COL4A3: variants seen among roughly 807,000 people sequenced by gnomAD.
COL4A3 encodes the protein collagen alpha-3(IV) chain.
COL4A3 carries 135 observed loss-of-function variants against 217.4 expected under a neutral mutation model. The observed-to-expected ratio is 0.62, with a 90% CI of 0.54 to 0.72. The LOEUF (loss-of-function observed/expected upper bound fraction) is 0.72. COL4A3 is among the 30% of genes least tolerant of loss of function. The pLI is 0.00. For missense variants in COL4A3, 1,868 were observed against 2,119.9 expected, an observed-to-expected ratio of 0.88 and a Z score of 2.33; for synonymous variants, 690 against 736.3, an observed-to-expected ratio of 0.94 and a Z score of 1.02.
At position 227,298,727 on chromosome 2, in the gene COL4A3, T is replaced by C. The variant is rs1396962991; in HGVS notation, c.3797T>C (p.Ile1266Thr). Reference sequence around the variant, plus strand: ...CCTCCAGGGAGTCATGTAATAGGCATAAAAGGAGACAAAGGGTCTATGGGC... The same window carrying C: ...CCTCCAGGGAGTCATGTAATAGGCACAAAAGGAGACAAAGGGTCTATGGGC... Reference protein sequence around the residue: ...PGPPGSHVIGIKGDKGSMGHP... With the variant: ...PGPPGSHVIGTKGDKGSMGHP... Residue 1266 changes from isoleucine (I) to threonine (T), a missense_variant, in exon 43 of 52, where the codon ATA becomes ACA. Physicochemically the swap from Ile to Thr is moderately conservative, Grantham distance 89. Transcript: ENST00000396578. 2 of 1,613,912 alleles carry C rather than the reference T, an allele frequency of 1.2e-6. No individual in the cohort carries two copies. The highest frequency in any genetic ancestry group is 1.7e-5 in the Admixed American group (1 of 60,010).
At chr2:227,190,133 T>G (rs1482879474) in intron 1 of COL4A3, among the ~76,000 whole-genome samples, 3 of 152,234 alleles carry the variant, frequency 2.0e-5, no homozygotes, top group Non-Finnish European at 2.9e-5. Context: ...GCATCTTAGC[T>G]GCAGTCACTA....
intron 7 of COL4A3, 180 bp downstream of exon 7, chr2:227,246,918 G>C (rs984480915): frequency 5.5e-6 from 4 of 723,240 alleles, no homozygotes; most frequent in Non-Finnish European, 1.0e-5. Flanking sequence ...TAGGATTAGA[G>C]GTTGAGGCTT....
At chr2:227,190,083 A>T (rs2066174886) in intron 1 of COL4A3, among the ~76,000 whole-genome samples, 1 of 152,228 alleles carries the variant, frequency 6.6e-6, no homozygotes. Context: ...AAAAAAAGAA[A>T]AAAAAGCAAA....
In COL4A3 at chr2:227,253,156, G is replaced by T; in HGVS notation, c.646-140G>T. 2.7e-6 allele frequency: 2 copies of T among 743,380 alleles called. No homozygotes were observed. Among genetic ancestry groups the T allele is most frequent in the Non-Finnish European group, 4.5e-6 (2 of 442,398 alleles). 46.0% of individuals were successfully genotyped at this position (743,380 alleles called of 1,614,324 possible). ...GAAACATATCAATGCTCTTCTCTAA[G>T]AAATAGCTAAAATATGTATCATTCT... On this transcript the variant is annotated intron_variant, in intron 11 of 51. Coordinates refer to ENST00000396578, the MANE Select transcript of COL4A3 (RefSeq NM_000091.5). The surrounding 1 kb of genome is among the most constrained non-coding windows in gnomAD (Gnocchi z 4.4).
chr2:227,265,719 AT>A (rs1326584941), intron 21 of COL4A3, among the ~76,000 whole-genome samples: 2 of 152,210 alleles, frequency 1.3e-5, no homozygotes, highest in Non-Finnish European at 2.9e-5. Context: ...AATATCCAGA[AT>A]AAGAGTTGAT....
chr2:227,239,877 T>C (rs1489891117), intron 2 of COL4A3, among the ~76,000 whole-genome samples: 3 of 152,170 alleles, frequency 2.0e-5, no homozygotes, highest in Admixed American at 6.5e-5. Context: ...CTGCTCTACA[T>C]AGCCCTACCA....
chr2:227,275,341 T>C (rs1254224885), intron 26 of COL4A3, among the ~76,000 whole-genome samples: 2 of 151,988 alleles, frequency 1.3e-5, no homozygotes, highest in African/African-American at 2.4e-5. Flanking sequence ...CCACCAGGCC[T>C]GATTAATTTT....
chr2:227,223,222 G>C (rs1208319715), intron 1 of COL4A3, among the ~76,000 whole-genome samples: 1 of 152,050 alleles, frequency 6.6e-6, no homozygotes, highest in Non-Finnish European at 1.5e-5. Flanking sequence ...ACTGAGGATG[G>C]GATCTCGAGG....
intron 27 of COL4A3, 69 bp from the exon 28 acceptor site, chr2:227,277,380 C>A: frequency 1.1e-6 from 1 of 937,368 alleles, no homozygotes; most frequent in Non-Finnish European, 1.7e-6. Flanking sequence ...AGAACTTAGA[C>A]ATTTTCTTTT....
intron 20 of COL4A3, among the ~76,000 whole-genome samples, chr2:227,262,411 T>C (rs1468249322): frequency 6.6e-6 from 1 of 152,198 alleles, no homozygotes; most frequent in Non-Finnish European, 1.5e-5. Flanking sequence ...TAGTTTTTTC[T>C]GTTTCTGTGA....
chr2:227,266,346 C>A, intron 21 of COL4A3, 71 bp from the exon 22 acceptor site: 1 of 1,110,834 alleles, frequency 9.0e-7, no homozygotes, highest in Non-Finnish European at 1.4e-6. Flanking sequence ...TTAAATAATA[C>A]ATATATTACA....
At chr2:227,273,434 T>TG (rs1173616968) in intron 26 of COL4A3, among the ~76,000 whole-genome samples, 1 of 152,212 alleles carries the variant, frequency 6.6e-6, no homozygotes, top group Non-Finnish European at 1.5e-5. Context: ...AGACAGGGTC[T>TG]CACTGTGTTG....
intron 23 of COL4A3, among the ~76,000 whole-genome samples, chr2:227,269,016 A>T (rs1333228393): frequency 6.6e-6 from 1 of 152,188 alleles, no homozygotes; most frequent in Non-Finnish European, 1.5e-5. Context: ...GGTTTGGATC[A>T]CTATAAAAAG....
intron 40 of COL4A3, 57 bp from the exon 41 acceptor site, chr2:227,295,212 G>C (rs2072976650): frequency 6.4e-7 from 1 of 1,574,330 alleles, no homozygotes; most frequent in Non-Finnish European, 8.7e-7. Flanking sequence ...TTTTCTCATA[G>C]ACATATAATG....
At position 227,284,391 on chromosome 2, in the gene COL4A3, A is replaced by G. The variant is rs6436672; in HGVS notation, c.2881+46A>G. ...AATCAGGACATCAGAGCTGATTCTCAGGCTAATAAATTATCCAGGCAAATC... is the reference window on the plus strand; with the variant it reads ...AATCAGGACATCAGAGCTGATTCTCGGGCTAATAAATTATCCAGGCAAATC... On this transcript the variant is annotated intron_variant, in intron 34 of 51. Transcript: ENST00000396578. The G allele has an allele frequency of 0.9, 1,436,494 of 1,590,436 alleles. 650,040 individuals are homozygous for G. Among genetic ancestry groups the G allele is most frequent in the Non-Finnish European group, 0.92 (1,074,108 of 1,167,764 alleles).
intron 34 of COL4A3, 130 bp downstream of exon 34, chr2:227,284,475 A>C: frequency 5.7e-6 from 6 of 1,049,998 alleles, no homozygotes; most frequent in Non-Finnish European, 8.6e-6. Context: ...CCCATCACAC[A>C]GCCGGTTGGT....
intron 1 of COL4A3, among the ~76,000 whole-genome samples, chr2:227,193,485 G>A (rs540712101): frequency 2.6e-5 from 4 of 152,232 alleles, no homozygotes; most frequent in South Asian, 4.1e-4. Context: ...AGGCCGAGGT[G>A]GGCGGATCAC....
In COL4A3 at chr2:227,293,198, C is replaced by T. The variant is rs2072855756; in HGVS notation, c.3218C>T (p.Pro1073Leu). Residue 1073 changes from proline (P) to leucine (L), a missense_variant, in exon 38 of 52, where the codon CCA becomes CTA. Pro to Leu is a moderately conservative substitution (Grantham distance 98, BLOSUM62 -3). Coordinates refer to ENST00000396578, the MANE Select transcript of COL4A3 (RefSeq NM_000091.5). Reference sequence around the variant, plus strand: ...TATTTGACTACATTTAAGGGGGATCCAGGACTGCCGGGTGATATGGGAAAG... The same window carrying T: ...TATTTGACTACATTTAAGGGGGATCTAGGACTGCCGGGTGATATGGGAAAG... ...RPGPPGPTGDPGLPGDMGKKG... is the reference protein window; with the variant it reads ...RPGPPGPTGDLGLPGDMGKKG... 2.5e-6 allele frequency: 4 copies of T among 1,613,742 alleles called. No homozygotes were observed. Among genetic ancestry groups the T allele is most frequent in the Non-Finnish European group, 3.4e-6 (4 of 1,180,006 alleles).
At chr2:227,197,378 T>C (rs902227588) in intron 1 of COL4A3, among the ~76,000 whole-genome samples, 1 of 152,180 alleles carries the variant, frequency 6.6e-6, no homozygotes, top group Admixed American at 6.5e-5. Context: ...CCATCGAGTA[T>C]GTCCTTATCA....
Sources: gnomAD v4.1 joint callset for allele counts (sites outside exome capture counted in the v4.1 genomes callset) on GRCh38, gnomAD v4.1.1 for gene constraint, Gnocchi (gnomAD v3.1) non-coding constraint, MANE v1.5 for transcripts, NCBI Gene and HGNC (gene_info 2026-07-23, HGNC 2026-07-21) for gene names.